The following DPYD variants were observed in gnomAD, a reference collection of about 807,000 sequenced individuals.
The protein encoded by DPYD is dihydropyrimidine dehydrogenase [NADP(+)].
A neutral mutation model predicts 116.2 loss-of-function variants in DPYD; 109 were observed. The ratio of observed to expected loss-of-function variants is 0.94; its 90% CI spans 0.80 to 1.10. The LOEUF is 1.10. Among genes scored for constraint, DPYD ranks in the 50% least tolerant of loss-of-function variants. DPYD has a pLI of 0.00. For synonymous variants in DPYD, 440 were observed against 432.0 expected (o/e 1.02, Z -0.23); for missense variants, 1,302 against 1,254.5 (o/e 1.04, Z -0.57).
chr1:97,528,679 T>G lies in DPYD; in HGVS notation c.1525-12738A>C, dbSNP rs1236694356. On this transcript the variant is annotated intron_variant, in intron 12 of 22. Transcript: ENST00000370192. ...ATCCATCAAGCTTGTTAAAACCTGT[T>G]AATTGTATTATTTTTGATATTTCTT... 2.6e-5 allele frequency among the ~76,000 whole-genome samples: 4 copies of G among 152,170 alleles called. No homozygotes were observed. In the East Asian group the frequency reaches 7.7e-4, roughly 29 times the overall value.
intron 18 of DPYD, among the ~76,000 whole-genome samples, chr1:97,294,943 G>A (rs1666431086): frequency 6.6e-6 from 1 of 152,174 alleles, no homozygotes; most frequent in Non-Finnish European, 1.5e-5. Flanking sequence ...CAAAACCAGA[G>A]AGAATAAATG....
At chr1:97,770,653 C>A (rs1211060621) in intron 3 of DPYD, among the ~76,000 whole-genome samples, 1 of 152,132 alleles carries the variant, frequency 6.6e-6, no homozygotes, top group Non-Finnish European at 1.5e-5. Context: ...AGATTCCATA[C>A]AGGCTGACTA....
intron 1 of DPYD, among the ~76,000 whole-genome samples, chr1:97,910,328 AAG>A (rs1228918221): frequency 6.6e-6 from 1 of 152,102 alleles, no homozygotes; most frequent in African/African-American, 2.4e-5. Context: ...GATTTAAAAA[AAG>A]AGAGTAAATT....
intron 3 of DPYD, among the ~76,000 whole-genome samples, chr1:97,823,214 G>C (rs1265978283): frequency 6.6e-6 from 1 of 152,032 alleles, no homozygotes; most frequent in African/African-American, 2.4e-5. Flanking sequence ...AAGGGCAGTG[G>C]CGTGATCTCT....
At chr1:97,893,686 G>T (rs1672896346) in intron 1 of DPYD, among the ~76,000 whole-genome samples, 1 of 151,220 alleles carries the variant, frequency 6.6e-6, no homozygotes, top group Non-Finnish European at 1.5e-5. Flanking sequence ...CATTTCTACT[G>T]AGCATATAGT....
intron 12 of DPYD, among the ~76,000 whole-genome samples, chr1:97,526,831 A>ATT (rs1031580332): frequency 1.3e-5 from 2 of 152,112 alleles, no homozygotes; most frequent in Non-Finnish European, 2.9e-5. Context: ...GACAGTTAAA[A>ATT]TGTTTTTCTA....
At chr1:97,173,451 ATG>A in intron 20 of DPYD, among the ~76,000 whole-genome samples, 2 of 134,820 alleles carry the variant, frequency 1.5e-5, no homozygotes, top group African/African-American at 6.0e-5. Flanking sequence ...TATATGTAAA[ATG>A]AGTATATATA....
chr1:97,283,532 T>C (rs1020858709), intron 18 of DPYD, among the ~76,000 whole-genome samples: 5 of 152,164 alleles, frequency 3.3e-5, no homozygotes, highest in African/African-American at 7.2e-5. Flanking sequence ...AATTTTGTAA[T>C]TGACTTAATT....
chr1:97,624,964 G>A (rs989084208), intron 8 of DPYD, among the ~76,000 whole-genome samples: 6 of 151,974 alleles, frequency 3.9e-5, no homozygotes, highest in Non-Finnish European at 7.4e-5. Context: ...GTGTGTTGGG[G>A]AATGGGGTGA....
intron 13 of DPYD, among the ~76,000 whole-genome samples, chr1:97,504,210 G>A (rs769259211): frequency 2.0e-5 from 3 of 152,038 alleles, no homozygotes; most frequent in Non-Finnish European, 2.9e-5. Context: ...TGTGTTCCCC[G>A]CAGTTTTATT....
chr1:97,547,117 G>C lies in DPYD; in HGVS notation c.1524+2443C>G, dbSNP rs543590698. On this transcript the variant is annotated intron_variant, in intron 12 of 22. Coordinates refer to ENST00000370192, the MANE Select transcript of DPYD (RefSeq NM_000110.4). ...GGGTGCATAATATAACTAGGCAGTG[G>C]CAGTGCCTTGGTACAACCTGAAAAA... 1.2e-4 allele frequency among the ~76,000 whole-genome samples: 19 copies of C among 152,254 alleles called. No homozygotes were observed. The South Asian group carries it at 3.9e-3, about 32-fold the overall frequency.
intron 13 of DPYD, among the ~76,000 whole-genome samples, chr1:97,474,012 T>TC (rs1677805270): frequency 1.0e-5 from 1 of 96,372 alleles, no homozygotes; most frequent in South Asian, 3.9e-4. Flanking sequence ...TGAGAAACTG[T>TC]CTTTAAAAAA....
intron 16 of DPYD, 80 bp downstream of exon 16, chr1:97,373,481 G>T: frequency 1.6e-6 from 2 of 1,219,588 alleles, no homozygotes; most frequent in Non-Finnish European, 2.4e-6. Context: ...GCATCTCCTT[G>T]CCTAAGGTAT....
intron 19 of DPYD, among the ~76,000 whole-genome samples, chr1:97,221,116 CAAAAACAAATA>C (rs1660743019): frequency 1.3e-5 from 2 of 152,088 alleles, no homozygotes; most frequent in African/African-American, 2.4e-5. Flanking sequence ...TTAATAAAGA[CAAAAACAAATA>C]TCTCACTTAT....
At chr1:97,360,312 C>T (rs1670651812) in intron 16 of DPYD, among the ~76,000 whole-genome samples, 2 of 152,064 alleles carry the variant, frequency 1.3e-5, no homozygotes, top group South Asian at 2.1e-4. Context: ...CCTTAGAGAC[C>T]TACAAAGAAA....
intron 13 of DPYD, among the ~76,000 whole-genome samples, chr1:97,492,533 T>C (rs180980731): frequency 8.5e-5 from 13 of 152,312 alleles, no homozygotes; most frequent in East Asian, 3.9e-4. Flanking sequence ...AATTGGACTA[T>C]TGACGTTCCA....
At chr1:97,415,254 GCA>G (rs561880891) in intron 14 of DPYD, among the ~76,000 whole-genome samples, 313 of 152,254 alleles carry the variant, frequency 2.1e-3, no homozygotes, top group Non-Finnish European at 3.9e-3. Context: ...AACTGTTGTA[GCA>G]CAGTCATTGA....
intron 18 of DPYD, among the ~76,000 whole-genome samples, chr1:97,247,655 G>A (rs1662808205): frequency 6.6e-6 from 1 of 152,146 alleles, no homozygotes; most frequent in South Asian, 2.1e-4. Context: ...CAAGCACATA[G>A]TAAATGCTTT....
rs551073520 is a variant in DPYD, at chr1:97,296,751, T to A, written c.2299+8508A>T. Reference sequence around the variant, plus strand: ...GAGGATCCTTAAGATGTTCAAATTTTAAAAAAAACATAAAAATAGGATAAA... The same window carrying A: ...GAGGATCCTTAAGATGTTCAAATTTAAAAAAAAACATAAAAATAGGATAAA... On this transcript the variant is annotated intron_variant, in intron 18 of 22. Coordinates refer to ENST00000370192, the MANE Select transcript of DPYD (RefSeq NM_000110.4). Among the ~76,000 whole-genome samples the A allele has an allele frequency of 3.1e-4, 47 of 151,816 alleles. 1 individual carries two copies. The highest frequency in any genetic ancestry group is 1.2e-3 in the South Asian group (6 of 4,810).
Sources: allele counts gnomAD v4.1 joint callset (sites outside exome capture counted in the v4.1 genomes callset), GRCh38; gene constraint gnomAD v4.1.1; transcripts MANE v1.5; gene names NCBI Gene and HGNC (gene_info 2026-07-23, HGNC 2026-07-21).